TRDN: variants seen among roughly 807,000 people sequenced by gnomAD.
TRDN encodes triadin in skeletal muscle.
A neutral mutation model predicts 149.7 loss-of-function variants in TRDN; 161 were observed. The observed-to-expected ratio is 1.08, with a 90% CI of 0.95 to 1.23. TRDN has a LOEUF of 1.23. Ranked by LOEUF, TRDN falls within the 50% of genes most tolerant of loss-of-function variation. The probability of loss-of-function intolerance (pLI) is 0.00; values close to 1 mark genes in which losing one functional copy is unlikely to be tolerated. For missense variants in TRDN, 896 were observed against 823.5 expected (o/e 1.09, Z -1.08); for synonymous variants, 294 against 250.5 (o/e 1.17, Z -1.64).
At chr6:123,581,712 C>T (rs1201141504) in intron 1 of TRDN, among the ~76,000 whole-genome samples, 1 of 152,068 alleles carries the variant, frequency 6.6e-6, no homozygotes, top group Non-Finnish European at 1.5e-5. Context: ...ATAAGAACTG[C>T]AAAGTTTTGC....
At position 123,464,995 on chromosome 6, in the gene TRDN, A is replaced by C; in HGVS notation, c.854-12T>G. On this transcript the variant is annotated splice_polypyrimidine_tract_variant and intron_variant, in intron 9 of 40. Transcript: ENST00000334268. ...GGCTGGGCTTTGTCCTACACAATGT[A>C]GAAGTAGGAATTGGAAAAAAAAAAG... The C allele has an allele frequency of 3.8e-6, 6 of 1,572,158 alleles. 2 individuals carry two copies. In the South Asian group the frequency reaches 7.1e-5, roughly 19 times the overall value.
Position 123,636,932 on chromosome 6 carries a change from T to C in TRDN, c.-157A>G. On this transcript the variant is annotated 5_prime_UTR_variant, in exon 1 of 41. Coordinates refer to ENST00000334268, the MANE Select transcript of TRDN (RefSeq NM_006073.4). ...TTCTGCTGCTTCTTTGTTGTCCTGT[T>C]GAACTTTGCCTCTCCTCTGCAGAGT... is the stretch of plus-strand genomic sequence containing the variant. The C allele has an allele frequency of 3.7e-6, 3 of 806,200 alleles. No individual in the cohort carries two copies. The South Asian group carries it at 4.9e-5, about 13-fold the overall frequency. The allele number at this position is 806,200 out of a possible 1,614,324, so 49.9% of individuals were successfully genotyped here.
chr6:123,548,347 G>T, intron 3 of TRDN, 107 bp downstream of exon 3: 1 of 882,130 alleles, frequency 1.1e-6, no homozygotes. Context: ...ATTCATTTTG[G>T]TTTAGCTTGA....
intron 38 of TRDN, among the ~76,000 whole-genome samples, chr6:123,227,955 AG>A (rs1775449534): frequency 6.6e-6 from 1 of 151,594 alleles, no homozygotes; most frequent in Admixed American, 6.6e-5. Flanking sequence ...CTCCTATATC[AG>A]GGCCTCTTGA....
intron 24 of TRDN, among the ~76,000 whole-genome samples, chr6:123,280,131 G>A (rs1777528854): frequency 6.6e-6 from 1 of 152,084 alleles, no homozygotes; most frequent in South Asian, 2.1e-4. Flanking sequence ...CTTATAAGAT[G>A]GAGCTGGTAG....
rs1000755402 is a variant in TRDN at position 123,344,707 on chromosome 6, T to A, written c.1370-7038A>T. On this transcript the variant is annotated intron_variant, in intron 21 of 40. Coordinates refer to ENST00000334268, the MANE Select transcript of TRDN (RefSeq NM_006073.4). The stretch of plus-strand genomic sequence containing the variant: ...AAGGACATCTTGGTTGCTTCCTAGT[T>A]TTAGGAAATACGAATAAAGCTGATA... 3.3e-5 allele frequency among the ~76,000 whole-genome samples: 5 copies of A among 152,084 alleles called. No individual in the cohort carries two copies. In the South Asian group the frequency reaches 6.2e-4, roughly 19 times the overall value.
chr6:123,607,468 A>G (rs1231974897), intron 1 of TRDN, among the ~76,000 whole-genome samples: 2 of 152,194 alleles, frequency 1.3e-5, no homozygotes, highest in African/African-American at 2.4e-5. Context: ...TTAATTTAGA[A>G]GATTACTGGG....
At chr6:123,490,382 T>C (rs1472059115) in intron 9 of TRDN, among the ~76,000 whole-genome samples, 2 of 152,186 alleles carry the variant, frequency 1.3e-5, no homozygotes, top group Non-Finnish European at 2.9e-5. Context: ...AAGGGATGAT[T>C]CACATACTTG....
intron 14 of TRDN, among the ~76,000 whole-genome samples, chr6:123,384,464 G>A (rs1781833913): frequency 6.6e-6 from 1 of 152,052 alleles, no homozygotes; most frequent in Non-Finnish European, 1.5e-5. Flanking sequence ...CTAAAGTTTG[G>A]GGGAAATGTG....
At chr6:123,634,107 G>T (rs1248332358) in intron 1 of TRDN, among the ~76,000 whole-genome samples, 1 of 151,974 alleles carries the variant, frequency 6.6e-6, no homozygotes, top group Non-Finnish European at 1.5e-5. Context: ...TCTACTGATA[G>T]AGTGCTTACA....
intron 12 of TRDN, among the ~76,000 whole-genome samples, chr6:123,436,488 A>T (rs1774567935): frequency 1.3e-5 from 2 of 151,948 alleles, no homozygotes; most frequent in Admixed American, 1.3e-4. Context: ...CATTTTTTCT[A>T]CCCCATTTAT....
chr6:123,633,437 G>T (rs1157984587), intron 1 of TRDN, among the ~76,000 whole-genome samples: 1 of 151,968 alleles, frequency 6.6e-6, no homozygotes, highest in Non-Finnish European at 1.5e-5. Context: ...ACATACAGTT[G>T]TGTGAATTCT....
chr6:123,467,761 G>A (rs1029994589), intron 9 of TRDN, among the ~76,000 whole-genome samples: 1 of 151,982 alleles, frequency 6.6e-6, no homozygotes, highest in African/African-American at 2.4e-5. Context: ...TTTGTTAGGT[G>A]AATGAATACA....
At chr6:123,615,141 C>T (rs559988083) in intron 1 of TRDN, among the ~76,000 whole-genome samples, 1 of 152,108 alleles carries the variant, frequency 6.6e-6, no homozygotes, top group Admixed American at 6.5e-5. Context: ...ATCAAAAAGA[C>T]AAAAGATAAT....
At chr6:123,368,155 A>C (rs1046648103) in intron 19 of TRDN, among the ~76,000 whole-genome samples, 9 of 152,208 alleles carry the variant, frequency 5.9e-5, no homozygotes, top group African/African-American at 2.2e-4. Context: ...CATCCTCCAC[A>C]TACCAAGGTG....
At chr6:123,444,995 T>A (rs927826472) in intron 10 of TRDN, 2 of 152,108 alleles carry the variant, frequency 1.3e-5, no homozygotes, top group Non-Finnish European at 2.9e-5. Context: ...TTTGGTTGTG[T>A]CTCTGCCAGG....
intron 1 of TRDN, among the ~76,000 whole-genome samples, chr6:123,609,515 A>T (rs1269600428): frequency 6.6e-6 from 1 of 152,202 alleles, no homozygotes; most frequent in Non-Finnish European, 1.5e-5. Context: ...AAAAAAAGAA[A>T]TCCATCTTGC....
chr6:123,570,907 A>T lies in TRDN; in HGVS notation c.232+16T>A. ...GAATTAATTTTAATTTTAAAGCCAAATTTTATGGAACTTACCTGAAAAGTT... is the reference window on the plus strand; with the variant it reads ...GAATTAATTTTAATTTTAAAGCCAATTTTTATGGAACTTACCTGAAAAGTT... On this transcript the variant is annotated intron_variant, in intron 2 of 40. Coordinates refer to ENST00000334268, the MANE Select transcript of TRDN (RefSeq NM_006073.4). 3.7e-6 allele frequency: 6 copies of T among 1,609,326 alleles called. No individual in the cohort carries two copies. Among genetic ancestry groups the T allele is most frequent in the Non-Finnish European group, 5.1e-6 (6 of 1,176,442 alleles).
intron 21 of TRDN, among the ~76,000 whole-genome samples, chr6:123,341,388 AT>A (rs1159957509): frequency 2.0e-5 from 3 of 151,808 alleles, no homozygotes; most frequent in East Asian, 1.9e-4. Flanking sequence ...AACATTTTAC[AT>A]TTTTTTCCTG....
Sources: gnomAD v4.1 joint callset for allele counts (sites outside exome capture counted in the v4.1 genomes callset) on GRCh38, gnomAD v4.1.1 for gene constraint, MANE v1.5 for transcripts, NCBI Gene and HGNC (gene_info 2026-07-23, HGNC 2026-07-21) for gene names.